ADGRL3: variants seen among roughly 807,000 people sequenced by gnomAD.
ADGRL3 encodes the protein calcium-independent alpha-latrotoxin receptor 3.
In ADGRL3, 62 loss-of-function variants were observed where a neutral mutation model predicts 153.5. The ratio of observed to expected loss-of-function variants is 0.40; its 90% CI spans 0.33 to 0.50. The LOEUF (loss-of-function observed/expected upper bound fraction) is 0.50. Among genes scored for constraint, ADGRL3 ranks in the 20% least tolerant of loss-of-function variants. The pLI, the probability that ADGRL3 is intolerant of heterozygous loss-of-function variation, is 0.47. For synonymous variants in ADGRL3, 710 were observed against 672.5 expected (o/e 1.06, Z -0.86); for missense variants, 1,641 against 1,859.4 (o/e 0.88, Z 2.16).
intron 13 of ADGRL3, among the ~76,000 whole-genome samples, chr4:61,924,596 G>A (rs1379142613): frequency 5.9e-5 from 9 of 152,094 alleles, no homozygotes; most frequent in African/African-American, 2.2e-4. Context: ...AAGTGGTTGA[G>A]CCCCACCTCC....
chr4:61,962,706 A>G (rs2098992510), intron 17 of ADGRL3, among the ~76,000 whole-genome samples: 2 of 152,198 alleles, frequency 1.3e-5, no homozygotes, highest in Admixed American at 6.5e-5. Context: ...CATTTGTATT[A>G]CTGAATTTGG....
chr4:61,573,197 T>C (rs2098846097), intron 4 of ADGRL3, among the ~76,000 whole-genome samples: 7 of 151,976 alleles, frequency 4.6e-5, no homozygotes. Context: ...AAATATAATG[T>C]GTATGTCGCT....
intron 1 of ADGRL3, among the ~76,000 whole-genome samples, chr4:61,259,618 A>G (rs941187553): frequency 9.2e-5 from 14 of 152,100 alleles, no homozygotes; most frequent in Non-Finnish European, 2.1e-4. Flanking sequence ...AGCCTTCCTG[A>G]ACAGCACGTC....
intron 5 of ADGRL3, among the ~76,000 whole-genome samples, chr4:61,650,604 T>G (rs577961944): frequency 6.6e-6 from 1 of 152,288 alleles, no homozygotes; most frequent in African/African-American, 2.4e-5. Context: ...TCTTTAAATA[T>G]ATTTTCTGGG....
chr4:61,654,333 A>G (rs2094374559), intron 5 of ADGRL3, among the ~76,000 whole-genome samples: 1 of 152,144 alleles, frequency 6.6e-6, no homozygotes, highest in African/African-American at 2.4e-5. Flanking sequence ...TCTATATCAA[A>G]TTTGGATATG....
At chr4:61,526,245 T>C (rs1413074787) in intron 4 of ADGRL3, among the ~76,000 whole-genome samples, 1 of 152,174 alleles carries the variant, frequency 6.6e-6, no homozygotes, top group Non-Finnish European at 1.5e-5. Context: ...ATGATTGGTT[T>C]TGATTCTCAC....
At chr4:61,373,525 T>G (rs1324775513) in intron 1 of ADGRL3, among the ~76,000 whole-genome samples, 2 of 152,200 alleles carry the variant, frequency 1.3e-5, no homozygotes, top group African/African-American at 4.8e-5. Flanking sequence ...GCATTTCCTT[T>G]ATATCTCTTG....
intron 9 of ADGRL3, among the ~76,000 whole-genome samples, chr4:61,856,305 C>T (rs569408229): frequency 6.6e-6 from 1 of 151,392 alleles, no homozygotes; most frequent in African/African-American, 2.4e-5. Flanking sequence ...TCCTTCCTTC[C>T]ATTCTTTATT....
chr4:61,428,906 T>TATCTATC (rs1553927285), intron 2 of ADGRL3, among the ~76,000 whole-genome samples: 1 of 143,630 alleles, frequency 7.0e-6, no homozygotes, highest in African/African-American at 2.8e-5. Flanking sequence ...TCTATCTATC[T>TATCTATC]ATCTATCTAT....
In ADGRL3 at chr4:61,787,368, A is replaced by T. The variant is rs187381060; in HGVS notation, c.1400-26441A>T. 8.4e-3 allele frequency among the ~76,000 whole-genome samples: 1,259 copies of T among 150,236 alleles called. 8 individuals are homozygous for T. The highest frequency in any genetic ancestry group is 0.019 in the African/African-American group (789 of 40,692). ...AAAAGTATAGTCATACTTTTTTTTTAAAAAAAAAGCATAGGTACATATATG... is the reference window on the plus strand; with the variant it reads ...AAAAGTATAGTCATACTTTTTTTTTTAAAAAAAAGCATAGGTACATATATG... On this transcript the variant is annotated intron_variant, in intron 8 of 26. Transcript: ENST00000683033.
intron 3 of ADGRL3, among the ~76,000 whole-genome samples, chr4:61,516,024 A>G (rs1248130210): frequency 6.6e-6 from 1 of 152,176 alleles, no homozygotes; most frequent in Non-Finnish European, 1.5e-5. Flanking sequence ...TTTAGTAATC[A>G]TACATTGTAA....
intron 9 of ADGRL3, among the ~76,000 whole-genome samples, chr4:61,846,355 A>T (rs752182570): frequency 6.6e-6 from 1 of 152,156 alleles, no homozygotes; most frequent in Non-Finnish European, 1.5e-5. Context: ...TTTATTAAAA[A>T]GTTACACATA....
At chr4:61,503,190 T>A (rs903606585) in intron 3 of ADGRL3, among the ~76,000 whole-genome samples, 15 of 152,196 alleles carry the variant, frequency 9.9e-5, no homozygotes, top group African/African-American at 3.6e-4. Context: ...ATACTCAGTA[T>A]GCAGGTTGGC....
At chr4:61,936,178 C>T in intron 15 of ADGRL3, 133 bp downstream of exon 15, 1 of 861,946 alleles carries the variant, frequency 1.2e-6, no homozygotes, top group Admixed American at 2.5e-5. Context: ...TCTCTTTCTC[C>T]TCCTCTTCCT....
intron 2 of ADGRL3, among the ~76,000 whole-genome samples, chr4:61,421,175 A>C (rs1428491033): frequency 3.9e-5 from 6 of 152,180 alleles, no homozygotes; most frequent in African/African-American, 1.4e-4. Flanking sequence ...TCTACTAAAA[A>C]TACAAAAAAT....
intron 5 of ADGRL3, among the ~76,000 whole-genome samples, chr4:61,614,656 A>G (rs1446606590): frequency 6.6e-6 from 1 of 152,184 alleles, no homozygotes; most frequent in Non-Finnish European, 1.5e-5. Context: ...TGGAATGGTG[A>G]GCACTTTTTT....
chr4:62,022,159 C>A (rs77817385), intron 21 of ADGRL3, among the ~76,000 whole-genome samples: 3,525 of 152,204 alleles, frequency 0.023, 54 homozygotes, highest in Non-Finnish European at 0.033. Flanking sequence ...AGCAAAATAG[C>A]CTTATTGCCT....
intron 9 of ADGRL3, among the ~76,000 whole-genome samples, chr4:61,853,731 A>T (rs2098233728): frequency 6.6e-6 from 1 of 152,150 alleles, no homozygotes; most frequent in African/African-American, 2.4e-5. Context: ...GCATTCCTGA[A>T]GTTGATGATT....
chr4:61,290,234 A>G (rs142655537), intron 1 of ADGRL3, among the ~76,000 whole-genome samples: 24 of 152,178 alleles, frequency 1.6e-4, no homozygotes, highest in African/African-American at 5.5e-4. Flanking sequence ...CACAGCTTTT[A>G]TAATCTTTAT....
Sources: gnomAD v4.1 joint callset for allele counts (sites outside exome capture counted in the v4.1 genomes callset) on GRCh38, gnomAD v4.1.1 for gene constraint, MANE v1.5 for transcripts, NCBI Gene and HGNC (gene_info 2026-07-23, HGNC 2026-07-21) for gene names.